The following PHF24 variants were observed in gnomAD, a reference collection of about 807,000 sequenced individuals.
The protein encoded by PHF24 is PHD finger protein 24.
A neutral mutation model predicts 42.6 loss-of-function variants in PHF24; 25 were observed. The ratio of observed to expected loss-of-function variants is 0.59; its 90% CI spans 0.43 to 0.82. The LOEUF is 0.82. Ranked by LOEUF, PHF24 falls within the 40% of genes least tolerant of loss-of-function variation. The pLI is 0.00. For synonymous variants in PHF24, 185 were observed against 204.8 expected, an observed-to-expected ratio of 0.90 and a Z score of 0.83; for missense variants, 470 against 538.1, an observed-to-expected ratio of 0.87 and a Z score of 1.25.
At chr9:34,682,706 A>G in the PHF24 span, among the ~76,000 whole-genome samples, 1 of 152,124 alleles carries the variant, frequency 6.6e-6, no homozygotes. Flanking sequence ...TCACATACTA[A>G]TTTTCCCAGC....
At chr9:34,685,518 C>T in the PHF24 span, among the ~76,000 whole-genome samples, 2 of 152,206 alleles carry the variant, frequency 1.3e-5, no homozygotes, top group East Asian at 3.8e-4. Context: ...TTTTCCCCAG[C>T]TCTTTCTAGC....
At chr9:34,844,109 A>G in the PHF24 span, among the ~76,000 whole-genome samples, 2 of 152,000 alleles carry the variant, frequency 1.3e-5, no homozygotes, top group Middle Eastern at 3.2e-3. Flanking sequence ...GGCTCTTATG[A>G]TCATTTGTAT....
chr9:34,900,574 A>G, the PHF24 span, among the ~76,000 whole-genome samples: 1 of 152,302 alleles, frequency 6.6e-6, no homozygotes, highest in South Asian at 2.1e-4. Context: ...ACTCCAGCCT[A>G]GGTGACAGAG....
chr9:34,674,044 C>G, the PHF24 span, among the ~76,000 whole-genome samples: 1 of 152,244 alleles, frequency 6.6e-6, no homozygotes, highest in African/African-American at 2.4e-5. Flanking sequence ...GCGTGAGCCA[C>G]TGCATCTGGC....
chr9:34,827,522 G>C, the PHF24 span, among the ~76,000 whole-genome samples: 1 of 139,706 alleles, frequency 7.2e-6, no homozygotes, highest in Non-Finnish European at 1.5e-5. Flanking sequence ...CTAAATGCTG[G>C]GGTCCCATCA....
the PHF24 span, chr9:34,724,301 T>C: frequency 1.4e-4 from 219 of 1,551,312 alleles, no homozygotes; most frequent in Non-Finnish European, 1.7e-4. Flanking sequence ...AGCTTTGGAA[T>C]TGGATTGCTT....
At chr9:34,873,841 G>A in the PHF24 span, among the ~76,000 whole-genome samples, 1 of 149,570 alleles carries the variant, frequency 6.7e-6, no homozygotes, top group Non-Finnish European at 1.5e-5. Flanking sequence ...CCATGAGCAT[G>A]GAATGTTCTT....
At chr9:34,933,018 T>C in the PHF24 span, among the ~76,000 whole-genome samples, 1,472 of 149,546 alleles carry the variant, frequency 9.8e-3, 33 homozygotes, top group East Asian at 0.079. Flanking sequence ...AGAGACAGTG[T>C]CTTGATATGT....
the PHF24 span, among the ~76,000 whole-genome samples, chr9:34,787,489 A>C: frequency 6.6e-6 from 1 of 152,172 alleles, no homozygotes; most frequent in Non-Finnish European, 1.5e-5. Context: ...AGCCTATAGA[A>C]CATAAAATTA....
At chr9:34,850,115 G>A in the PHF24 span, among the ~76,000 whole-genome samples, 23 of 152,118 alleles carry the variant, frequency 1.5e-4, no homozygotes, top group East Asian at 9.6e-4. Flanking sequence ...TCTTTATCGC[G>A]TTCTCTGTAT....
the PHF24 span, among the ~76,000 whole-genome samples, chr9:34,847,005 T>C: frequency 6.6e-6 from 1 of 152,244 alleles, no homozygotes; most frequent in East Asian, 1.9e-4. Flanking sequence ...TACTGTAGCC[T>C]TGTAGTATAG....
the PHF24 span, among the ~76,000 whole-genome samples, chr9:34,747,828 C>T: frequency 1.3e-5 from 2 of 152,052 alleles, no homozygotes; most frequent in Non-Finnish European, 2.9e-5. Context: ...CACACGTGTT[C>T]ACCAAAAGAC....
the PHF24 span, among the ~76,000 whole-genome samples, chr9:34,855,508 G>A: frequency 6.6e-6 from 1 of 152,128 alleles, no homozygotes; most frequent in African/African-American, 2.4e-5. Flanking sequence ...GTCCTGAAAA[G>A]GATCTTATTT....
the PHF24 span, among the ~76,000 whole-genome samples, chr9:34,902,692 C>T: frequency 6.6e-6 from 1 of 152,084 alleles, no homozygotes; most frequent in Non-Finnish European, 1.5e-5. Flanking sequence ...AAATTTTAGT[C>T]ATGATTTCAA....
the PHF24 span, among the ~76,000 whole-genome samples, chr9:34,827,823 C>T: frequency 2.0e-5 from 3 of 152,128 alleles, no homozygotes; most frequent in Non-Finnish European, 4.4e-5. Flanking sequence ...ATATAACCTC[C>T]TTGGTCCCTC....
chr9:34,725,743 C>T, the PHF24 span: 5 of 1,548,952 alleles, frequency 3.2e-6, no homozygotes, highest in African/African-American at 4.1e-5. Context: ...CAGATGGAGA[C>T]ATCCAGTTTG....
chr9:34,739,753 T>C, the PHF24 span, among the ~76,000 whole-genome samples: 1 of 152,134 alleles, frequency 6.6e-6, no homozygotes, highest in African/African-American at 2.4e-5. Context: ...GAATAAAGCT[T>C]CCACACTGTG....
intron 1 of PHF24, among the ~76,000 whole-genome samples, chr9:34,961,628 A>G (rs935629356): frequency 6.6e-6 from 1 of 152,224 alleles, no homozygotes; most frequent in African/African-American, 2.4e-5. Flanking sequence ...ACAGGAACCA[A>G]TATAGAGTAT....
At chr9:34,878,591 C>T in the PHF24 span, among the ~76,000 whole-genome samples, 2 of 152,206 alleles carry the variant, frequency 1.3e-5, no homozygotes, top group Non-Finnish European at 1.5e-5. Flanking sequence ...TCAGAGGGTC[C>T]CACGCCCATG....
Sources: gnomAD v4.1 joint callset for allele counts (sites outside exome capture counted in the v4.1 genomes callset) on GRCh38, gnomAD v4.1.1 for gene constraint, MANE v1.5 for transcripts, NCBI Gene and HGNC (gene_info 2026-07-23, HGNC 2026-07-21) for gene names.